Variants in SEC24A observed in about 807,000 individuals in gnomAD.
The protein encoded by SEC24A is protein transport protein Sec24A.
SEC24A carries 93 observed loss-of-function variants against 129.4 expected under a neutral mutation model. The observed-to-expected ratio is 0.72, with a 90% confidence interval of 0.61 to 0.85. The LOEUF is 0.85. SEC24A is among the 40% of genes least tolerant of loss of function. The probability of loss-of-function intolerance (pLI) is 0.00; values close to 1 mark genes in which losing one functional copy is unlikely to be tolerated. For synonymous variants in SEC24A, 460 were observed against 467.3 expected, an observed-to-expected ratio of 0.98 and a Z score of 0.20; for missense variants, 1,264 against 1,307.4, an observed-to-expected ratio of 0.97 and a Z score of 0.51.
intron 17 of SEC24A, among the ~76,000 whole-genome samples, chr5:134,707,945 A>C (rs1752214382): frequency 6.6e-6 from 1 of 151,916 alleles, no homozygotes; most frequent in South Asian, 2.1e-4. Context: ...TTCTACTAAA[A>C]ATACAAAAAA....
intron 20 of SEC24A, among the ~76,000 whole-genome samples, chr5:134,719,605 CT>C (rs1375270154): frequency 1.3e-5 from 2 of 150,974 alleles, no homozygotes; most frequent in African/African-American, 4.9e-5. Context: ...GGAAGATCAC[CT>C]GAACCCAGGA....
chr5:134,705,374 A>T lies in SEC24A; in HGVS notation c.2488A>T (p.Thr830Ser). ...VHTLCLPVVS[T>S]LNDVFLGADV... Reference sequence around the variant, plus strand: ...TACTTTGTGTTTGCCAGTAGTTTCGACTCTGAATGATGTCTTTCTTGGAGC... The same window carrying T: ...TACTTTGTGTTTGCCAGTAGTTTCGTCTCTGAATGATGTCTTTCTTGGAGC... Residue 830 changes from threonine (T) to serine (S), a missense_variant, in exon 17 of 23, where the codon ACT (threonine) becomes TCT (serine). By Grantham distance (58) the Thr-to-Ser change is moderately conservative. Coordinates refer to ENST00000398844, the MANE Select transcript of SEC24A (RefSeq NM_021982.3). 6.2e-7 allele frequency: 1 copy of T among 1,613,358 alleles called. No homozygotes were observed. Among genetic ancestry groups the T allele is most frequent in the Non-Finnish European group, 8.5e-7 (1 of 1,179,748 alleles).
chr5:134,680,822 G>A (rs1290873550), intron 8 of SEC24A, among the ~76,000 whole-genome samples: 1 of 152,062 alleles, frequency 6.6e-6, no homozygotes, highest in Non-Finnish European at 1.5e-5. Context: ...TTTATTGGAT[G>A]GGCACGGTGG....
At position 134,686,830 on chromosome 5, in the gene SEC24A, A is replaced by G; in HGVS notation, c.1532A>G (p.Asp511Gly). Residue 511 changes from aspartate (D) to glycine (G), a missense_variant, in exon 10 of 23, where the codon GAT becomes GGT. Physicochemically the swap from Asp to Gly is moderately conservative, Grantham distance 94 (BLOSUM62 -1). Transcript: ENST00000398844. ...CCTCCAGTGTATCTCTTTGTATTTG[A>G]TGTGTCTCACAATGCAGTCGAAACT... is the stretch of plus-strand genomic sequence containing the variant. Reference protein sequence around the residue: ...PQPPVYLFVFDVSHNAVETGY... With the variant: ...PQPPVYLFVFGVSHNAVETGY... The G allele has an allele frequency of 6.2e-7, 1 of 1,610,026 alleles. No homozygotes were observed. Among genetic ancestry groups the G allele is most frequent in the Non-Finnish European group, 8.5e-7 (1 of 1,178,306 alleles).
chr5:134,666,893 C>T lies in SEC24A; in HGVS notation c.636C>T (p.Pro212=). The change falls in exon 3 of 23, where the codon CCC becomes CCT. Residue 212 remains proline (P), a synonymous_variant. Transcript: ENST00000398844. ...TTFQPGAPHG[P]PPAGGPPPVR... ...TTCAACCAGGAGCTCCTCATGGGCCCCCTCCAGCTGGAGGCCCACCCCCAG... is the reference window on the plus strand; with the variant it reads ...TTCAACCAGGAGCTCCTCATGGGCCTCCTCCAGCTGGAGGCCCACCCCCAG... 1.2e-6 allele frequency: 2 copies of T among 1,612,794 alleles called. No homozygotes were observed. The highest frequency in any genetic ancestry group is 4.5e-5 in the East Asian group (2 of 44,864).
At chr5:134,705,090 A>ATATATATATTTTT (rs1180461537) in intron 16 of SEC24A, among the ~76,000 whole-genome samples, 11 of 123,302 alleles carry the variant, frequency 8.9e-5, no homozygotes, top group African/African-American at 3.0e-4. Context: ...ATATATATAT[A>ATATATATATTTTT]TTTTTTTTTT....
intron 19 of SEC24A, 35 bp downstream of exon 19, chr5:134,715,196 A>G (rs570227126): frequency 1.3e-6 from 2 of 1,567,774 alleles, no homozygotes; most frequent in East Asian, 4.5e-5. Flanking sequence ...TTTTACTTGA[A>G]GATTAGTAAG....
At chr5:134,700,682 A>G (rs1338811194) in intron 15 of SEC24A, among the ~76,000 whole-genome samples, 1 of 151,122 alleles carries the variant, frequency 6.6e-6, no homozygotes, top group Non-Finnish European at 1.5e-5. Context: ...ATTAGAATTT[A>G]TTAATTCTAA....
At chr5:134,724,113 T>C (rs1752697523) in intron 22 of SEC24A, among the ~76,000 whole-genome samples, 1 of 152,208 alleles carries the variant, frequency 6.6e-6, no homozygotes, top group South Asian at 2.1e-4. Context: ...ACATTTCTTC[T>C]TTCCTTCTCC....
At chr5:134,721,143 A>T (rs1752616933) in intron 21 of SEC24A, 53 bp downstream of exon 21, 2 of 1,027,596 alleles carry the variant, frequency 1.9e-6, no homozygotes, top group East Asian at 4.8e-5. Flanking sequence ...GTTGGCAAAA[A>T]CATGAATATC....
At chr5:134,668,511 A>G (rs1750744729) in intron 3 of SEC24A, among the ~76,000 whole-genome samples, 2 of 152,198 alleles carry the variant, frequency 1.3e-5, no homozygotes, top group Admixed American at 6.5e-5. Context: ...GGATCACCTA[A>G]GGTCAGGAGT....
chr5:134,706,075 A>T (rs1561828692), intron 17 of SEC24A, among the ~76,000 whole-genome samples: 1 of 152,064 alleles, frequency 6.6e-6, no homozygotes, highest in Non-Finnish European at 1.5e-5. Flanking sequence ...TTTAGTAGAG[A>T]CAGGGTTTCT....
At chr5:134,696,727 G>A (rs1036893681) in intron 13 of SEC24A, among the ~76,000 whole-genome samples, 4 of 151,672 alleles carry the variant, frequency 2.6e-5, no homozygotes, top group South Asian at 4.2e-4. Flanking sequence ...CTCGATCTCC[G>A]GCCCTCGTGA....
chr5:134,697,573 T>C (rs1419251080), intron 14 of SEC24A, among the ~76,000 whole-genome samples: 1 of 152,118 alleles, frequency 6.6e-6, no homozygotes, highest in Non-Finnish European at 1.5e-5. Context: ...ACCCTGTATT[T>C]GCAAATAATA....
chr5:134,721,243 CAT>C (rs546423149), intron 21 of SEC24A, among the ~76,000 whole-genome samples, 153 bp downstream of exon 21: 73 of 152,114 alleles, frequency 4.8e-4, no homozygotes, highest in Non-Finnish European at 8.5e-4. Flanking sequence ...TGACTCCACT[CAT>C]AGAATCATTA....
rs1385210247 is a variant in SEC24A at position 134,726,882 on chromosome 5, T to G, written c.*1788T>G. 1.3e-5 allele frequency: 2 copies of G among 152,160 alleles called. No individual in the cohort carries two copies. 9.4% of individuals were successfully genotyped at this position (152,160 alleles called of 1,614,324 possible). ...TTGTGCTTTTAGGGATAATCTTCCT[T>G]GTGCCTCACTACATCCCTAAGTGGG... On this transcript the variant is annotated 3_prime_UTR_variant, in exon 23 of 23. Coordinates refer to ENST00000398844, the MANE Select transcript of SEC24A (RefSeq NM_021982.3).
chr5:134,661,613 A>G (rs754596932), intron 2 of SEC24A, 27 bp downstream of exon 2: 2 of 1,517,364 alleles, frequency 1.3e-6, no homozygotes, highest in South Asian at 1.2e-5. Context: ...AGTGCTTAAA[A>G]TGTAGAAATG....
intron 19 of SEC24A, among the ~76,000 whole-genome samples, chr5:134,717,314 T>A (rs1414598223): frequency 6.6e-6 from 1 of 151,480 alleles, no homozygotes; most frequent in Non-Finnish European, 1.5e-5. Context: ...GAGACCAGCC[T>A]GGCCAACATG....
chr5:134,697,787 C>T, intron 14 of SEC24A, 112 bp from the exon 15 acceptor site: 1 of 1,112,522 alleles, frequency 9.0e-7, no homozygotes, highest in Non-Finnish European at 1.3e-6. Context: ...TCCTTTCTGA[C>T]AGTAGTTTAC....
Sources: gnomAD v4.1 joint callset for allele counts (sites outside exome capture counted in the v4.1 genomes callset) on GRCh38, gnomAD v4.1.1 for gene constraint, MANE v1.5 for transcripts, NCBI Gene and HGNC (gene_info 2026-07-23, HGNC 2026-07-21) for gene names.